The following SLC30A8 variants were observed in gnomAD, a reference collection of about 807,000 sequenced individuals.
SLC30A8 encodes solute carrier family 30 member 8.
Under a neutral mutation model 36.9 loss-of-function variants are expected in SLC30A8, and 27 were observed. The observed-to-expected ratio is 0.73, with a 90% CI of 0.54 to 1.01. The LOEUF (loss-of-function observed/expected upper bound fraction) is 1.01. Among genes scored for constraint, SLC30A8 ranks in the 50% least tolerant of loss-of-function variants. The pLI is 0.00. For synonymous variants in SLC30A8, 164 were observed against 172.4 expected (o/e 0.95, Z 0.38); for missense variants, 439 against 452.0 (o/e 0.97, Z 0.26).
chr8:117,006,019 C>T (rs2130695063), intron 1 of SLC30A8, among the ~76,000 whole-genome samples: 1 of 152,218 alleles, frequency 6.6e-6, no homozygotes, highest in Non-Finnish European at 1.5e-5. Context: ...GTGGTTGGAC[C>T]AGCAGTCAAA....
rs532113390 is a variant in SLC30A8, at chr8:117,013,432, A to G, written c.-265-25787A>G. The stretch of plus-strand genomic sequence containing the variant: ...GAGCAGCAGAGATGTTCAGTGGGAA[A>G]TGTTATCAAATCATCTAGGCACCCC... On this transcript the variant is annotated intron_variant, in intron 1 of 10. Transcript: ENST00000427715. 1.1e-4 allele frequency among the ~76,000 whole-genome samples: 16 copies of G among 152,314 alleles called. No homozygotes were observed. The South Asian group carries it at 3.3e-3, about 32-fold the overall frequency.
At chr8:117,136,394 A>C (rs1052867852) in intron 1 of SLC30A8, among the ~76,000 whole-genome samples, 7 of 152,012 alleles carry the variant, frequency 4.6e-5, no homozygotes, top group African/African-American at 1.7e-4. Context: ...ATCTGAAAAG[A>C]ATTGATGTTA....
intron 1 of SLC30A8, among the ~76,000 whole-genome samples, chr8:116,966,894 A>C (rs1210752017): frequency 6.6e-6 from 1 of 152,220 alleles, no homozygotes; most frequent in Non-Finnish European, 1.5e-5. Context: ...TTTTCTAAAC[A>C]TGCATCTAAA....
At position 117,097,291 on chromosome 8, in the gene SLC30A8, C is replaced by G. The variant is rs1307133846; in HGVS notation, c.-225-37989C>G. 4.2e-5 allele frequency among the ~76,000 whole-genome samples: 6 copies of G among 141,236 alleles called. No individual in the cohort carries two copies. The Admixed American group carries it at 4.6e-4, about 11-fold the overall frequency. 92.7% of individuals were successfully genotyped at this position (141,236 alleles called of 152,430 possible). A position where few individuals can be genotyped will look rare whatever the true frequency, so the allele number is the denominator to read the frequency against. ...GCAGGCGCCTGTAGTCCCAGCTACT[C>G]GGGAGGCTGAGGAAGGAGAATGGCG... On this transcript the variant is annotated intron_variant, in intron 2 of 10. Transcript: ENST00000427715.
intron 1 of SLC30A8, among the ~76,000 whole-genome samples, chr8:117,007,852 A>G (rs1009347424): frequency 6.6e-6 from 1 of 152,238 alleles, no homozygotes; most frequent in Admixed American, 6.5e-5. Context: ...GTCACATAAT[A>G]TCTTTTAATA....
intron 2 of SLC30A8, among the ~76,000 whole-genome samples, chr8:117,069,527 G>A (rs1818265982): frequency 5.9e-5 from 9 of 152,186 alleles, no homozygotes; most frequent in Admixed American, 5.9e-4. Flanking sequence ...GAGAGTTAGT[G>A]ACTACTTCCA....
At chr8:117,035,863 C>T (rs1817197909) in intron 1 of SLC30A8, among the ~76,000 whole-genome samples, 1 of 150,056 alleles carries the variant, frequency 6.7e-6, no homozygotes, top group South Asian at 2.1e-4. Context: ...TGTACCTCAG[C>T]CCCCTTTAGC....
At chr8:117,037,891 A>G (rs1480933355) in intron 1 of SLC30A8, among the ~76,000 whole-genome samples, 1 of 152,192 alleles carries the variant, frequency 6.6e-6, no homozygotes, top group East Asian at 1.9e-4. Context: ...TAGAAAAGAA[A>G]ATGATCAAGT....
intron 6 of SLC30A8, among the ~76,000 whole-genome samples, chr8:117,169,506 G>A (rs1211145571): frequency 6.6e-6 from 1 of 152,084 alleles, no homozygotes; most frequent in African/African-American, 2.4e-5. Flanking sequence ...AATCCTCTGG[G>A]AAGCTTTTAA....
At chr8:117,154,484 T>C (rs1231422579) in intron 3 of SLC30A8, among the ~76,000 whole-genome samples, 1 of 152,224 alleles carries the variant, frequency 6.6e-6, no homozygotes, top group Non-Finnish European at 1.5e-5. Context: ...TATAGACTGA[T>C]AACTGTGGAC....
At chr8:117,136,014 AT>A (rs1179922056) in intron 1 of SLC30A8, among the ~76,000 whole-genome samples, 1 of 151,956 alleles carries the variant, frequency 6.6e-6, no homozygotes, top group Non-Finnish European at 1.5e-5. Flanking sequence ...AAAGAAAAAA[AT>A]GTCTAGTTTC....
chr8:117,027,871 A>G (rs995786534), intron 1 of SLC30A8, among the ~76,000 whole-genome samples: 9 of 152,152 alleles, frequency 5.9e-5, no homozygotes, highest in Non-Finnish European at 8.8e-5. Context: ...GTTAAATCCT[A>G]ATTCTGTCAT....
At chr8:117,083,655 A>G (rs1480524099) in intron 2 of SLC30A8, among the ~76,000 whole-genome samples, 1 of 152,132 alleles carries the variant, frequency 6.6e-6, no homozygotes, top group Non-Finnish European at 1.5e-5. Context: ...AGGTAGCCTG[A>G]CCCAAGACAC....
intron 2 of SLC30A8, among the ~76,000 whole-genome samples, chr8:117,074,289 A>G (rs1240934100): frequency 1.3e-5 from 2 of 152,184 alleles, no homozygotes; most frequent in African/African-American, 4.8e-5. Flanking sequence ...TGGACTTTGC[A>G]TACAATGGTT....
intron 4 of SLC30A8, among the ~76,000 whole-genome samples, chr8:117,161,526 G>A (rs1185207765): frequency 6.6e-6 from 1 of 152,178 alleles, no homozygotes; most frequent in Admixed American, 6.5e-5. Flanking sequence ...GAGTAAACTG[G>A]ATGGGTCTTT....
At chr8:117,083,524 A>C (rs1158791402) in intron 2 of SLC30A8, among the ~76,000 whole-genome samples, 1 of 152,238 alleles carries the variant, frequency 6.6e-6, no homozygotes, top group Non-Finnish European at 1.5e-5. Context: ...TACTACATAC[A>C]TAGTAAGTAG....
intron 6 of SLC30A8, chr8:117,164,000 A>T (rs1405426457): frequency 6.5e-6 from 1 of 154,176 alleles, no homozygotes; most frequent in Non-Finnish European, 1.4e-5. Flanking sequence ...AGAATTACAG[A>T]TATGAGCAGA....
chr8:117,093,385 A>G lies in SLC30A8; in HGVS notation c.-225-41895A>G, dbSNP rs139146755. Among the ~76,000 whole-genome samples the G allele has an allele frequency of 6.1e-3, 927 of 151,744 alleles. 6 individuals are homozygous for G. Among genetic ancestry groups the G allele is most frequent in the Non-Finnish European group, 0.01 (693 of 67,854 alleles). ...AAGTCTTATCTTACTTAAGCCAAATAAGACTTAATAAGAATGGGTACACAT... is the reference window on the plus strand; with the variant it reads ...AAGTCTTATCTTACTTAAGCCAAATGAGACTTAATAAGAATGGGTACACAT... On this transcript the variant is annotated intron_variant, in intron 2 of 10. Coordinates refer to the SLC30A8 transcript ENST00000427715.
chr8:117,085,897 A>G (rs1818859893), intron 2 of SLC30A8, among the ~76,000 whole-genome samples: 1 of 152,190 alleles, frequency 6.6e-6, no homozygotes, highest in Non-Finnish European at 1.5e-5. Context: ...AGACAAGAGT[A>G]AGATATTTGT....
Sources: gnomAD v4.1 joint callset for allele counts (sites outside exome capture counted in the v4.1 genomes callset) on GRCh38, gnomAD v4.1.1 for gene constraint, MANE v1.5 for transcripts, NCBI Gene and HGNC (gene_info 2026-07-23, HGNC 2026-07-21) for gene names.